The following KCNIP4 variants were observed in gnomAD, a reference collection of about 807,000 sequenced individuals.
The protein encoded by KCNIP4 is potassium voltage-gated channel interacting protein 4, also known as Kv channel-interacting protein 4.
Under a neutral mutation model 34.0 loss-of-function variants are expected in KCNIP4, and 12 were observed. The observed-to-expected ratio is 0.35, with a 90% confidence interval of 0.23 to 0.57. The LOEUF (loss-of-function observed/expected upper bound fraction) is 0.57, where lower values mean the gene tolerates loss of function less well. Among genes scored for constraint, KCNIP4 ranks in the 20% least tolerant of loss-of-function variants. The pLI is 0.83. For synonymous variants in KCNIP4, 124 were observed against 102.2 expected (o/e 1.21, Z -1.29); for missense variants, 238 against 311.7 (o/e 0.76, Z 1.78).
At chr4:21,025,842 A>T (rs958286461) in intron 1 of KCNIP4, among the ~76,000 whole-genome samples, 3 of 152,096 alleles carry the variant, frequency 2.0e-5, no homozygotes, top group Non-Finnish European at 2.9e-5. Context: ...GGCGTGAGCC[A>T]CTGCACCCGG....
At chr4:21,109,883 T>G (rs937888625) in intron 1 of KCNIP4, among the ~76,000 whole-genome samples, 24 of 152,012 alleles carry the variant, frequency 1.6e-4, no homozygotes, top group Non-Finnish European at 3.2e-4. Flanking sequence ...TACTCTTTCC[T>G]AAAGTAAGAA....
At position 21,578,351 on chromosome 4, in the gene KCNIP4, AAAAAAAAGAG is replaced by A. The variant is rs1219302231; in HGVS notation, c.61+370210_61+370219del. Reference sequence around the variant, plus strand: ...CCGTCTCAAAAAAAAAAAAAAAAAAAAAAAAAAGAGTTCATGCTAGCTAAATGTGAATTTC... The same window carrying A: ...CCGTCTCAAAAAAAAAAAAAAAAAAATTCATGCTAGCTAAATGTGAATTTC... On this transcript the variant is annotated intron_variant, in intron 1 of 8. Transcript: ENST00000382152. Among the ~76,000 whole-genome samples, 1,366 of 150,182 alleles carry A rather than the reference AAAAAAAAGAG, an allele frequency of 9.1e-3. 33 individuals carry two copies. The highest frequency in any genetic ancestry group is 0.032 in the African/African-American group (1,276 of 40,144).
chr4:21,487,120 A>T (rs557534114), intron 1 of KCNIP4, among the ~76,000 whole-genome samples: 2 of 152,090 alleles, frequency 1.3e-5, no homozygotes, highest in African/African-American at 4.8e-5. Context: ...ATTTATATTT[A>T]TTAACTTTTT....
intron 1 of KCNIP4, among the ~76,000 whole-genome samples, chr4:21,258,980 G>T (rs1294958491): frequency 1.3e-5 from 2 of 152,120 alleles, no homozygotes; most frequent in Non-Finnish European, 2.9e-5. Flanking sequence ...CAACCACTGG[G>T]ATGCTGGATG....
At chr4:21,656,779 T>C (rs1481856413) in intron 1 of KCNIP4, 1 of 152,238 alleles carries the variant, frequency 6.6e-6, no homozygotes. Flanking sequence ...ACTCCATGGA[T>C]GCACCTCTAA....
At chr4:21,222,643 A>G (rs1758063715) in intron 1 of KCNIP4, among the ~76,000 whole-genome samples, 1 of 152,032 alleles carries the variant, frequency 6.6e-6, no homozygotes, top group Non-Finnish European at 1.5e-5. Flanking sequence ...ACTAAGTAAA[A>G]TTTTTTACAC....
chr4:20,844,856 G>GT (rs752298502), intron 3 of KCNIP4, among the ~76,000 whole-genome samples: 2 of 152,028 alleles, frequency 1.3e-5, no homozygotes, highest in Non-Finnish European at 2.9e-5. Context: ...TGTCCTGCTG[G>GT]TTCCTTTGGC....
At chr4:21,785,933 T>A (rs1173699921) in intron 1 of KCNIP4, among the ~76,000 whole-genome samples, 2 of 152,144 alleles carry the variant, frequency 1.3e-5, no homozygotes, top group African/African-American at 4.8e-5. Flanking sequence ...GGTTTTGGTG[T>A]GGGCATATAT....
chr4:21,492,803 A>G (rs1283560587), intron 1 of KCNIP4, among the ~76,000 whole-genome samples: 1 of 152,210 alleles, frequency 6.6e-6, no homozygotes, highest in East Asian at 1.9e-4. Flanking sequence ...ACAATTTCCT[A>G]TATTGCATGA....
chr4:21,558,493 A>AAAATAAATAAATAAATAAATATAT (rs1739257457), intron 1 of KCNIP4, among the ~76,000 whole-genome samples: 2 of 149,014 alleles, frequency 1.3e-5, no homozygotes, highest in Non-Finnish European at 3.0e-5. Flanking sequence ...TTCTGTCTCA[A>AAAATAAATAAATAAATAAATATAT]AAATAAATAA....
chr4:21,317,864 C>T (rs575835451), intron 1 of KCNIP4, among the ~76,000 whole-genome samples: 1 of 152,264 alleles, frequency 6.6e-6, no homozygotes, highest in East Asian at 1.9e-4. Flanking sequence ...CTCTCTAACT[C>T]TTGTCTGCTG....
chr4:21,762,298 C>T (rs562108411), intron 1 of KCNIP4, among the ~76,000 whole-genome samples: 2 of 152,066 alleles, frequency 1.3e-5, no homozygotes, highest in Non-Finnish European at 1.5e-5. Context: ...ATTATTTTAC[C>T]ACACATCCCA....
intron 1 of KCNIP4, among the ~76,000 whole-genome samples, chr4:21,471,520 T>G (rs1730469082): frequency 6.6e-6 from 1 of 152,226 alleles, no homozygotes; most frequent in South Asian, 2.1e-4. Flanking sequence ...TTATCATGAT[T>G]ATATAAATGG....
At chr4:21,555,970 G>A (rs1738972085) in intron 1 of KCNIP4, among the ~76,000 whole-genome samples, 2 of 152,050 alleles carry the variant, frequency 1.3e-5, no homozygotes, top group Admixed American at 1.3e-4. Context: ...TGCACACTCG[G>A]TTAACCCTGG....
At chr4:21,296,618 C>T (rs903462618) in intron 1 of KCNIP4, among the ~76,000 whole-genome samples, 2 of 151,726 alleles carry the variant, frequency 1.3e-5, no homozygotes, top group East Asian at 2.0e-4. Context: ...CCAATGTCTA[C>T]AGCCAAGGTG....
chr4:20,986,884 A>C (rs1254753738), intron 1 of KCNIP4, among the ~76,000 whole-genome samples: 3 of 152,176 alleles, frequency 2.0e-5, no homozygotes, highest in Non-Finnish European at 4.4e-5. Context: ...AGCTGATTGG[A>C]GGTCCAGCCC....
At chr4:20,833,718 A>T (rs1174981862) in intron 3 of KCNIP4, among the ~76,000 whole-genome samples, 1 of 152,070 alleles carries the variant, frequency 6.6e-6, no homozygotes, top group African/African-American at 2.4e-5. Flanking sequence ...CGAAGGTGCT[A>T]GTTTGTTATC....
chr4:21,490,508 A>G (rs906421105), intron 1 of KCNIP4, among the ~76,000 whole-genome samples: 1 of 152,180 alleles, frequency 6.6e-6, no homozygotes, highest in African/African-American at 2.4e-5. Flanking sequence ...AAAAACAACA[A>G]CAAACAACCA....
intron 1 of KCNIP4, among the ~76,000 whole-genome samples, chr4:21,020,898 G>A (rs1739972894): frequency 1.3e-5 from 2 of 152,292 alleles, no homozygotes; most frequent in Admixed American, 1.3e-4. Flanking sequence ...AATTTGAGTA[G>A]GTCAAGAATG....
Sources: allele counts gnomAD v4.1 joint callset (sites outside exome capture counted in the v4.1 genomes callset), GRCh38; gene constraint gnomAD v4.1.1; transcripts MANE v1.5; gene names NCBI Gene and HGNC (gene_info 2026-07-23, HGNC 2026-07-21).